SLC11A2: variants seen among roughly 807,000 people sequenced by gnomAD.
SLC11A2 encodes the protein natural resistance-associated macrophage protein 2.
In SLC11A2, 38 loss-of-function variants were observed where a neutral mutation model predicts 68.0. That is an observed-to-expected ratio of 0.56 (90% CI 0.43 to 0.73). The LOEUF (loss-of-function observed/expected upper bound fraction) is 0.73, where lower values mean the gene tolerates loss of function less well. Ranked by LOEUF, SLC11A2 falls within the 30% of genes least tolerant of loss-of-function variation. SLC11A2 has a pLI of 0.00. For missense variants in SLC11A2, 517 were observed against 690.5 expected, an observed-to-expected ratio of 0.75 and a Z score of 2.82; for synonymous variants, 242 against 250.6, an observed-to-expected ratio of 0.97 and a Z score of 0.32.
intron 15 of SLC11A2, 134 bp downstream of exon 15, chr12:50,990,661 C>T (rs1248108059): frequency 1.8e-5 from 16 of 868,852 alleles, no homozygotes; most frequent in Middle Eastern, 3.6e-4. Flanking sequence ...CCTCCCGCCT[C>T]AGCCTCCCAA....
chr12:50,965,603 C>G, the SLC11A2 span, among the ~76,000 whole-genome samples: 1 of 152,110 alleles, frequency 6.6e-6, no homozygotes. Context: ...GACTATGAAA[C>G]AGACCCACAG....
rs1940544103 is a variant in SLC11A2 at position 50,986,275 on chromosome 12, G to A, written c.*2050C>T. On this transcript the variant is annotated 3_prime_UTR_variant, in exon 16 of 16. Coordinates refer to ENST00000262052, the MANE Select transcript of SLC11A2 (RefSeq NM_000617.3). Reference sequence around the variant, plus strand: ...CTCACTGGATATGCTGGAATTGGAGGACTTAAATTTCTACATATTATTTAT... The same window carrying A: ...CTCACTGGATATGCTGGAATTGGAGAACTTAAATTTCTACATATTATTTAT... 6 of 1,286,026 alleles carry A rather than the reference G, an allele frequency of 4.7e-6. No individual in the cohort carries two copies. The highest frequency in any genetic ancestry group is 1.5e-5 in the African/African-American group (1 of 65,874). 79.7% of individuals were successfully genotyped at this position (1,286,026 alleles called of 1,614,324 possible). A position where few individuals can be genotyped will look rare whatever the true frequency, so the allele number is the denominator to read the frequency against.
intron 1 of SLC11A2, 183 bp downstream of exon 1, chr12:51,026,127 T>C: frequency 9.1e-7 from 1 of 1,101,706 alleles, no homozygotes; most frequent in Non-Finnish European, 1.1e-6. Context: ...CGCGACTCCA[T>C]CAGTCCTGGA....
intron 3 of SLC11A2, among the ~76,000 whole-genome samples, chr12:51,007,430 G>A (rs1035726230): frequency 4.6e-5 from 7 of 152,084 alleles, no homozygotes; most frequent in African/African-American, 1.4e-4. Context: ...TGCCTCCTAG[G>A]TTCAAGTGAT....
At chr12:51,005,089 CT>C (rs1942606539) in intron 4 of SLC11A2, among the ~76,000 whole-genome samples, 182 bp from the exon 5 acceptor site, 1 of 152,214 alleles carries the variant, frequency 6.6e-6, no homozygotes, top group Non-Finnish European at 1.5e-5. Context: ...CACCTTGTAC[CT>C]TTCTGAGCCT....
upstream of SLC11A2, among the ~76,000 whole-genome samples, chr12:51,027,047 A>G (rs1944422300): frequency 6.6e-6 from 1 of 152,038 alleles, no homozygotes; most frequent in African/African-American, 2.4e-5. Flanking sequence ...GTGGTGGCGC[A>G]TGCCTGTAAT....
chr12:51,011,443 T>C (rs1943218778), intron 1 of SLC11A2, among the ~76,000 whole-genome samples: 1 of 151,740 alleles, frequency 6.6e-6, no homozygotes, highest in South Asian at 2.1e-4. Context: ...AATACTTTTT[T>C]AATAAGCATC....
At chr12:50,960,627 CT>C in the SLC11A2 span, among the ~76,000 whole-genome samples, 9 of 152,096 alleles carry the variant, frequency 5.9e-5, no homozygotes, top group African/African-American at 2.2e-4. Flanking sequence ...TGTAGACATT[CT>C]TTCATTTAAC....
downstream of SLC11A2, among the ~76,000 whole-genome samples, chr12:50,984,535 T>C (rs914176376): frequency 1.3e-5 from 2 of 152,210 alleles, no homozygotes; most frequent in South Asian, 2.1e-4. Context: ...ACTTAGTTGA[T>C]AGACCACTTT....
Position 50,990,791 on chromosome 12 carries a change from T to G in SLC11A2, c.1575+4A>C, listed in dbSNP as rs1181639086. 11 of 1,613,836 alleles carry G rather than the reference T, an allele frequency of 6.8e-6. No homozygotes were observed. Among genetic ancestry groups the G allele is most frequent in the Non-Finnish European group, 8.5e-6 (10 of 1,179,946 alleles). On this transcript the variant is annotated splice_donor_region_variant and intron_variant, in intron 15 of 15. Transcript: ENST00000262052. ...ATGCCCCTGCTCTTCCAGGCTAGACTTACCAAGTAGAACACAAAGCCCAGA... is the reference window on the plus strand; with the variant it reads ...ATGCCCCTGCTCTTCCAGGCTAGACGTACCAAGTAGAACACAAAGCCCAGA...
At chr12:50,998,727 G>A (rs1205895313) in intron 8 of SLC11A2, among the ~76,000 whole-genome samples, 4 of 152,324 alleles carry the variant, frequency 2.6e-5, no homozygotes, top group Admixed American at 2.6e-4. Context: ...CACAAACCAG[G>A]AAATATCCAG....
intron 1 of SLC11A2, among the ~76,000 whole-genome samples, chr12:51,015,776 CT>C (rs1321733142): frequency 6.6e-6 from 1 of 152,198 alleles, no homozygotes; most frequent in Non-Finnish European, 1.5e-5. Context: ...CAGCTTACCC[CT>C]AACCATAAAG....
At chr12:51,019,016 T>C (rs927930604) in intron 1 of SLC11A2, among the ~76,000 whole-genome samples, 8 of 152,144 alleles carry the variant, frequency 5.3e-5, no homozygotes, top group African/African-American at 1.9e-4. Context: ...GAAAAAACTT[T>C]CATAGAAGCA....
downstream of SLC11A2, among the ~76,000 whole-genome samples, chr12:50,984,608 T>C (rs569571513): frequency 2.5e-3 from 374 of 152,248 alleles, 1 homozygote; most frequent in African/African-American, 8.6e-3. Context: ...GGCCTGGAAA[T>C]AGGCTAAAAT....
chr12:51,009,045 G>C lies in SLC11A2; in HGVS notation c.35-421C>G, dbSNP rs944795907. 1.6e-5 allele frequency: 14 copies of C among 893,518 alleles called. No individual in the cohort carries two copies. In the Admixed American group the frequency reaches 2.4e-4, roughly 16 times the overall value. 55.3% of individuals were successfully genotyped at this position (893,518 alleles called of 1,614,324 possible). A position where few individuals can be genotyped will look rare whatever the true frequency, so the allele number is the denominator to read the frequency against. Reference sequence around the variant, plus strand: ...CAGCTCCTGGTAACCTAAAATCCTAGCTTTTAAAAGAAAAGAACTAGGCCT... The same window carrying C: ...CAGCTCCTGGTAACCTAAAATCCTACCTTTTAAAAGAAAAGAACTAGGCCT... On this transcript the variant is annotated intron_variant, in intron 2 of 15. Transcript: ENST00000262052.
chr12:50,959,386 C>T, the SLC11A2 span, among the ~76,000 whole-genome samples: 2 of 152,124 alleles, frequency 1.3e-5, no homozygotes, highest in Non-Finnish European at 2.9e-5. Context: ...TCCCAAAGTG[C>T]TGGGATTATA....
At chr12:50,966,564 T>C in the SLC11A2 span, among the ~76,000 whole-genome samples, 2 of 152,120 alleles carry the variant, frequency 1.3e-5, no homozygotes, top group African/African-American at 4.8e-5. Context: ...TTACCATATT[T>C]CCCTGGGGAA....
At chr12:51,000,455 TA>T (rs1252270287) in intron 5 of SLC11A2, 36 bp from the exon 6 acceptor site, 1 of 1,492,376 alleles carries the variant, frequency 6.7e-7, no homozygotes, top group Non-Finnish European at 9.3e-7. Context: ...CGGTTCTGAT[TA>T]ATCATTTCTA....
At position 51,009,332 on chromosome 12, in the gene SLC11A2, G is replaced by A. The variant is rs192886082; in HGVS notation, c.35-708C>T. On this transcript the variant is annotated intron_variant, in intron 2 of 15. Coordinates refer to ENST00000262052, the MANE Select transcript of SLC11A2 (RefSeq NM_000617.3). The stretch of plus-strand genomic sequence containing the variant: ...CAGGGCTCATCTCAGACTGATATCA[G>A]CGTTTCCCTGAGTTCTGCATTTTGC... 1.4e-4 allele frequency: 175 copies of A among 1,238,608 alleles called. No individual in the cohort carries two copies. The African/African-American group carries it at 2.5e-3, about 17-fold the overall frequency. 76.7% of individuals were successfully genotyped at this position (1,238,608 alleles called of 1,614,324 possible). A position where few individuals can be genotyped will look rare whatever the true frequency, so the allele number is the denominator to read the frequency against.
Sources: allele counts gnomAD v4.1 joint callset (sites outside exome capture counted in the v4.1 genomes callset), GRCh38; gene constraint gnomAD v4.1.1; transcripts MANE v1.5; gene names NCBI Gene and HGNC (gene_info 2026-07-23, HGNC 2026-07-21).